Variants in CDC42BPB observed in about 807,000 individuals in gnomAD.
CDC42BPB encodes serine/threonine-protein kinase MRCK beta.
Under a neutral mutation model 214.9 loss-of-function variants are expected in CDC42BPB, and 37 were observed. The observed-to-expected ratio is 0.17, with a 90% confidence interval of 0.13 to 0.23. CDC42BPB has a LOEUF of 0.23. Among genes scored for constraint, CDC42BPB ranks in the 10% least tolerant of loss-of-function variants. The pLI, the probability that CDC42BPB is intolerant of heterozygous loss-of-function variation, is 1.00. For missense variants in CDC42BPB, 1,694 were observed against 2,227.0 expected, an observed-to-expected ratio of 0.76 and a Z score of 4.82; for synonymous variants, 931 against 884.0, an observed-to-expected ratio of 1.05 and a Z score of -0.94.
At chr14:103,032,025 G>T (rs947554748) in intron 1 of CDC42BPB, among the ~76,000 whole-genome samples, 8 of 150,634 alleles carry the variant, frequency 5.3e-5, no homozygotes, top group Non-Finnish European at 1.2e-4. Flanking sequence ...CACAAGCCCA[G>T]GGCATCCTCA....
chr14:103,057,290 C>T lies in CDC42BPB; in HGVS notation c.-117G>A, dbSNP rs1175782170. ...AGCCCCGGCAGCAGCGGCGCCTCCT[C>T]GCCGCCCCGTCCGCGTCGTCGCGCC... is the stretch of plus-strand genomic sequence containing the variant. On this transcript the variant is annotated 5_prime_UTR_variant, in exon 1 of 37. Coordinates refer to ENST00000361246, the MANE Select transcript of CDC42BPB (RefSeq NM_006035.4). The T allele has an allele frequency of 2.0e-5, 22 of 1,101,228 alleles. No individual in the cohort carries two copies. Among genetic ancestry groups the T allele is most frequent in the Non-Finnish European group, 2.2e-5 (20 of 905,850 alleles). 68.2% of individuals were successfully genotyped at this position (1,101,228 alleles called of 1,614,324 possible). A position where few individuals can be genotyped will look rare whatever the true frequency, so the allele number is the denominator to read the frequency against.
chr14:102,971,819 G>T, intron 13 of CDC42BPB, 100 bp downstream of exon 13: 1 of 1,251,334 alleles, frequency 8.0e-7, no homozygotes, highest in South Asian at 1.4e-5. Flanking sequence ...GAAAATTTCT[G>T]ACCCCTTTTA....
chr14:102,957,186 G>GC (rs1892748639), intron 21 of CDC42BPB, among the ~76,000 whole-genome samples: 1 of 124,642 alleles, frequency 8.0e-6, no homozygotes. Context: ...GGGTGACAGA[G>GC]TAAGACTGTC....
At chr14:102,987,438 A>G (rs1894293560) in intron 5 of CDC42BPB, among the ~76,000 whole-genome samples, 1 of 152,228 alleles carries the variant, frequency 6.6e-6, no homozygotes, top group Non-Finnish European at 1.5e-5. Context: ...AAAGACAAGT[A>G]CAAGCATGTT....
chr14:103,027,640 C>T (rs1887125408), intron 1 of CDC42BPB, among the ~76,000 whole-genome samples: 1 of 152,108 alleles, frequency 6.6e-6, no homozygotes, highest in South Asian at 2.1e-4. Flanking sequence ...AGTATGATTC[C>T]ATTTATATAA....
intron 1 of CDC42BPB, among the ~76,000 whole-genome samples, chr14:103,042,310 C>G (rs547689687): frequency 5.3e-5 from 8 of 151,476 alleles, no homozygotes; most frequent in African/African-American, 1.7e-4. Context: ...AAAACACAAC[C>G]CAATTTTTTT....
intron 1 of CDC42BPB, among the ~76,000 whole-genome samples, chr14:103,026,100 G>C (rs549126351): frequency 1.3e-5 from 2 of 151,978 alleles, no homozygotes; most frequent in Non-Finnish European, 2.9e-5. Context: ...CTCAAACTAC[G>C]AAACACTTAA....
At chr14:102,939,360 G>A (rs550573586) in intron 34 of CDC42BPB, among the ~76,000 whole-genome samples, 88 of 152,256 alleles carry the variant, frequency 5.8e-4, no homozygotes, top group Non-Finnish European at 1.1e-3. Context: ...GAAACGTGGT[G>A]GACTCTCACA....
rs1889039334 is a variant in CDC42BPB, at chr14:103,057,237, G to A, written c.-64C>T. On this transcript the variant is annotated 5_prime_UTR_variant, in exon 1 of 37. Transcript: ENST00000361246. Reference sequence around the variant, plus strand: ...CCGCCGGCTCGGCCAGTCCGTCAGGGCGCGCCCTCGGGGGCTCGGCGGCTG... The same window carrying A: ...CCGCCGGCTCGGCCAGTCCGTCAGGACGCGCCCTCGGGGGCTCGGCGGCTG... The A allele has an allele frequency of 1.6e-6, 2 of 1,223,894 alleles. No individual in the cohort carries two copies. The highest frequency in any genetic ancestry group is 2.0e-6 in the Non-Finnish European group (2 of 981,186). 75.8% of individuals were successfully genotyped at this position (1,223,894 alleles called of 1,614,324 possible). A position where few individuals can be genotyped will look rare whatever the true frequency, so the allele number is the denominator to read the frequency against.
chr14:103,020,985 G>A (rs1167850883), intron 1 of CDC42BPB, among the ~76,000 whole-genome samples: 1 of 152,232 alleles, frequency 6.6e-6, no homozygotes, highest in Non-Finnish European at 1.5e-5. Context: ...ACGAGTCTGA[G>A]AAAAGTGACT....
chr14:102,941,673 A>G (rs564994322), intron 30 of CDC42BPB: 195 of 438,690 alleles, frequency 4.4e-4, no homozygotes, highest in Admixed American at 8.3e-4. Context: ...CCCAGTGAAA[A>G]GATTCTAGTG....
At chr14:102,974,684 G>A (rs539417441) in intron 11 of CDC42BPB, among the ~76,000 whole-genome samples, 26 of 152,342 alleles carry the variant, frequency 1.7e-4, no homozygotes, top group East Asian at 9.6e-4. Context: ...CAGGCCAGGC[G>A]CAGCGGCTCA....
Position 102,950,578 on chromosome 14 carries a change from G to A in CDC42BPB, c.3197C>T (p.Ser1066Phe). 3 of 1,599,542 alleles carry A rather than the reference G, an allele frequency of 1.9e-6. No individual in the cohort carries two copies. The highest frequency in any genetic ancestry group is 2.6e-6 in the Non-Finnish European group (3 of 1,172,798). ...CACCTGGGGGGCACCGTCTTTGCAGGACACGTGGCAAGCAAAGGAACACAC... is the reference window on the plus strand; with the variant it reads ...CACCTGGGGGGCACCGTCTTTGCAGAACACGTGGCAAGCAAAGGAACACAC... The part of the protein sequence containing the change: ...CEVCSFACHV[S>F]CKDGAPQVCP... Residue 1066 changes from serine to phenylalanine, a missense_variant, in exon 25 of 37, where the codon TCC becomes TTC. Transcript: ENST00000361246.
chr14:103,040,894 G>C (rs569563920), intron 1 of CDC42BPB, among the ~76,000 whole-genome samples: 1 of 152,290 alleles, frequency 6.6e-6, no homozygotes, highest in Non-Finnish European at 1.5e-5. Flanking sequence ...AAGAATCCCA[G>C]CTGGCTTACT....
Position 103,003,891 on chromosome 14 carries a change from C to T in CDC42BPB, c.447+37G>A, listed in dbSNP as rs188377599. The T allele has an allele frequency of 5.7e-4, 865 of 1,528,338 alleles. 1 individual carries two copies. The highest frequency in any genetic ancestry group is 7.1e-4 in the Non-Finnish European group (786 of 1,107,692). 94.7% of individuals were successfully genotyped at this position (1,528,338 alleles called of 1,614,324 possible). A position where few individuals can be genotyped will look rare whatever the true frequency, so the allele number is the denominator to read the frequency against. On this transcript the variant is annotated intron_variant, in intron 4 of 36. Transcript: ENST00000361246. ...ACAGCATAAAGGAATAAAGCCGGAG[C>T]GAATGCCCTGACCGAGTCTCTGGCT...
chr14:103,000,050 T>C (rs1894908702), intron 4 of CDC42BPB, among the ~76,000 whole-genome samples: 3 of 152,188 alleles, frequency 2.0e-5, no homozygotes, highest in African/African-American at 7.2e-5. Flanking sequence ...ATCAATCCTA[T>C]GGGTTTAAAA....
At chr14:102,963,202 C>A in intron 19 of CDC42BPB, 47 bp from the exon 20 acceptor site, 1 of 1,565,386 alleles carries the variant, frequency 6.4e-7, no homozygotes, top group South Asian at 1.1e-5. Flanking sequence ...AAGAGGTTGT[C>A]TGTGAGCTGG....
At chr14:102,953,185 G>A (rs1040723386) in intron 23 of CDC42BPB, among the ~76,000 whole-genome samples, 11 of 152,238 alleles carry the variant, frequency 7.2e-5, no homozygotes, top group African/African-American at 1.7e-4. Context: ...AAGCTCAGGC[G>A]CAGCAGAGAC....
At chr14:103,036,585 T>A (rs1003676508) in intron 1 of CDC42BPB, among the ~76,000 whole-genome samples, 1 of 152,054 alleles carries the variant, frequency 6.6e-6, no homozygotes, top group Non-Finnish European at 1.5e-5. Context: ...CTACTCCTCA[T>A]TTGGAAATAC....
Sources: allele counts gnomAD v4.1 joint callset (sites outside exome capture counted in the v4.1 genomes callset), GRCh38; gene constraint gnomAD v4.1.1; transcripts MANE v1.5; gene names NCBI Gene and HGNC (gene_info 2026-07-23, HGNC 2026-07-21).